The following JARID2 variants were observed in gnomAD, a reference collection of about 807,000 sequenced individuals.
JARID2 encodes the protein protein Jumonji.
JARID2 carries 21 observed loss-of-function variants against 125.6 expected under a neutral mutation model. That is an observed-to-expected ratio of 0.17 (90% CI 0.12 to 0.24). JARID2 has a LOEUF of 0.24. JARID2 is among the 10% of genes least tolerant of loss of function. JARID2 has a pLI of 1.00. For missense variants in JARID2, 1,303 were observed against 1,639.6 expected, an observed-to-expected ratio of 0.79 and a Z score of 3.55; for synonymous variants, 736 against 661.6, an observed-to-expected ratio of 1.11 and a Z score of -1.73.
At chr6:15,428,041 T>G (rs918958488) in intron 3 of JARID2, among the ~76,000 whole-genome samples, 2 of 152,142 alleles carry the variant, frequency 1.3e-5, no homozygotes, top group Admixed American at 6.6e-5. Context: ...ACTGCCTCCC[T>G]CCTATTTTAT....
chr6:15,399,143 A>G (rs1325583855), intron 2 of JARID2, among the ~76,000 whole-genome samples: 1 of 152,152 alleles, frequency 6.6e-6, no homozygotes, highest in Non-Finnish European at 1.5e-5. Flanking sequence ...AACGTGCTGC[A>G]CTGTAGAGCA....
At chr6:15,324,183 GA>G (rs549599553) in intron 1 of JARID2, among the ~76,000 whole-genome samples, 1,703 of 89,444 alleles carry the variant, frequency 0.019, 14 homozygotes, top group Non-Finnish European at 0.028. Flanking sequence ...TGTCTCAAAA[GA>G]AAAAAAAAAA....
chr6:15,511,810 C>G (rs1771292511), intron 13 of JARID2, among the ~76,000 whole-genome samples: 1 of 152,176 alleles, frequency 6.6e-6, no homozygotes, highest in Non-Finnish European at 1.5e-5. Flanking sequence ...CTCTGCTGAC[C>G]CTGCCGGTCC....
At position 15,506,534 on chromosome 6, in the gene JARID2, C is replaced by T. The variant is rs185776795; in HGVS notation, c.2542-602C>T. 2.1e-3 allele frequency among the ~76,000 whole-genome samples: 324 copies of T among 152,126 alleles called. 1 individual carries two copies. Among genetic ancestry groups the T allele is most frequent in the Non-Finnish European group, 3.4e-3 (234 of 68,008 alleles). Reference sequence around the variant, plus strand: ...TCCAGCTTTACCAAGGCTTGTGAGACGAGGGAAGAGGACTTAGTGCTTCTG... The same window carrying T: ...TCCAGCTTTACCAAGGCTTGTGAGATGAGGGAAGAGGACTTAGTGCTTCTG... On this transcript the variant is annotated intron_variant, in intron 9 of 17. Coordinates refer to ENST00000341776, the MANE Select transcript of JARID2 (RefSeq NM_004973.4).
At chr6:15,286,126 C>T (rs1255457990) in intron 1 of JARID2, among the ~76,000 whole-genome samples, 1 of 152,178 alleles carries the variant, frequency 6.6e-6, no homozygotes, top group African/African-American at 2.4e-5. Flanking sequence ...AATTGCTTGA[C>T]TCTCCTTTGG....
chr6:15,302,537 T>C (rs1257735398), intron 1 of JARID2, among the ~76,000 whole-genome samples: 1 of 152,210 alleles, frequency 6.6e-6, no homozygotes, highest in African/African-American at 2.4e-5. Context: ...TTGATTGTGG[T>C]CACTGTACTT....
At chr6:15,493,520 G>C (rs1770257533) in intron 6 of JARID2, among the ~76,000 whole-genome samples, 1 of 152,102 alleles carries the variant, frequency 6.6e-6, no homozygotes, top group South Asian at 2.1e-4. Context: ...CTCTTGTGCT[G>C]GGAGTAGGGC....
chr6:15,322,143 G>C (rs1762381821), intron 1 of JARID2, among the ~76,000 whole-genome samples: 1 of 152,160 alleles, frequency 6.6e-6, no homozygotes, highest in African/African-American at 2.4e-5. Flanking sequence ...AATCTGCATA[G>C]CTCCTGTTTG....
At chr6:15,422,142 G>C (rs941904546) in intron 3 of JARID2, among the ~76,000 whole-genome samples, 5 of 152,310 alleles carry the variant, frequency 3.3e-5, no homozygotes, top group South Asian at 2.1e-4. Flanking sequence ...AGAGAAGCGC[G>C]TCCAGGAGAG....
chr6:15,504,852 C>T (rs138617863), intron 9 of JARID2, among the ~76,000 whole-genome samples: 1 of 152,168 alleles, frequency 6.6e-6, no homozygotes, highest in Non-Finnish European at 1.5e-5. Context: ...CTGGGCACGT[C>T]CCCTGCTCCC....
chr6:15,256,382 A>G (rs1196801085), intron 1 of JARID2, among the ~76,000 whole-genome samples: 1 of 152,218 alleles, frequency 6.6e-6, no homozygotes, highest in Non-Finnish European at 1.5e-5. Context: ...TGGATGGTGA[A>G]TTGGAAAGAG....
In JARID2 at chr6:15,469,523, C is replaced by T. The variant is rs534925650; in HGVS notation, c.670+805C>T. Among the ~76,000 whole-genome samples, 44 of 150,460 alleles carry T rather than the reference C, an allele frequency of 2.9e-4. No homozygotes were observed. In the South Asian group the frequency reaches 8.6e-3, roughly 29 times the overall value. On this transcript the variant is annotated intron_variant, in intron 5 of 17. Coordinates refer to ENST00000341776, the MANE Select transcript of JARID2 (RefSeq NM_004973.4). ...TCTCGGCTCACTGCCAGCTCTACCTCCCGGGTTCACGCCATTATCCTGCCT... is the reference window on the plus strand; with the variant it reads ...TCTCGGCTCACTGCCAGCTCTACCTTCCGGGTTCACGCCATTATCCTGCCT...
At chr6:15,256,095 A>G (rs60952652) in intron 1 of JARID2, among the ~76,000 whole-genome samples, 9,000 of 152,252 alleles carry the variant, frequency 0.059, 337 homozygotes, top group African/African-American at 0.083. Flanking sequence ...ATGTGAAAGC[A>G]CTTTGTAAAC....
In JARID2 at chr6:15,496,984, T is replaced by G; in HGVS notation, c.1759T>G (p.Cys587Gly). 1 of 1,614,020 alleles carries G rather than the reference T, an allele frequency of 6.2e-7. No homozygotes were observed. The highest frequency in any genetic ancestry group is 1.1e-5 in the South Asian group (1 of 91,036). Residue 587 changes from cysteine to glycine, a missense_variant, in exon 7 of 18, where the codon TGC becomes GGC. Around this residue, in one of 11 missense-constraint regions of JARID2, gnomAD observed 651 missense variants for 581.6 expected, o/e 1.12. Transcript: ENST00000341776. The stretch of plus-strand genomic sequence containing the variant: ...CGCTCAGGTGGAGAAGTTCGGGATG[T>G]GCAGGGTGATCCCCCCTCCGGACTG... ...VRAQVEKFGM[C>G]RVIPPPDWRP...
intron 1 of JARID2, among the ~76,000 whole-genome samples, chr6:15,277,888 T>C (rs1760595183): frequency 6.6e-6 from 1 of 151,792 alleles, no homozygotes; most frequent in South Asian, 2.1e-4. Flanking sequence ...AGAAATCCTT[T>C]TTTTTGGAGA....
intron 1 of JARID2, among the ~76,000 whole-genome samples, chr6:15,294,646 G>A (rs1048889556): frequency 1.3e-5 from 2 of 152,224 alleles, no homozygotes; most frequent in Non-Finnish European, 2.9e-5. Flanking sequence ...GGAGTGGGGA[G>A]GTTGATGCAG....
chr6:15,364,844 G>A (rs1010823141), intron 1 of JARID2, among the ~76,000 whole-genome samples: 1 of 152,142 alleles, frequency 6.6e-6, no homozygotes, highest in African/African-American at 2.4e-5. Flanking sequence ...ACAGGTGGTC[G>A]GATTGTGGCC....
intron 2 of JARID2, among the ~76,000 whole-genome samples, chr6:15,407,369 A>G (rs1765693131): frequency 6.6e-6 from 1 of 152,216 alleles, no homozygotes; most frequent in Non-Finnish European, 1.5e-5. Context: ...ATTCGCATGC[A>G]TGCTCAAGTT....
chr6:15,329,600 TAAG>T lies in JARID2; in HGVS notation c.46-44516_46-44514del, dbSNP rs1480565369. On this transcript the variant is annotated intron_variant, in intron 1 of 17. Coordinates refer to ENST00000341776, the MANE Select transcript of JARID2 (RefSeq NM_004973.4). ...TCATGAATGCAGCTTTTATCTTTAATAAGCGGGTTAAACCGCATGCGCTCTGTC... is the reference window on the plus strand; with the variant it reads ...TCATGAATGCAGCTTTTATCTTTAATCGGGTTAAACCGCATGCGCTCTGTC... 5.3e-5 allele frequency among the ~76,000 whole-genome samples: 8 copies of T among 152,312 alleles called. No individual in the cohort carries two copies. In the East Asian group the frequency reaches 1.5e-3, roughly 29 times the overall value.
Sources: gnomAD v4.1 joint callset for allele counts (sites outside exome capture counted in the v4.1 genomes callset) on GRCh38, gnomAD v4.1.1 for gene constraint, gnomAD v4.1.1 regional missense constraint, MANE v1.5 for transcripts, NCBI Gene and HGNC (gene_info 2026-07-23, HGNC 2026-07-21) for gene names.